GPBP1: variants seen among roughly 807,000 people sequenced by gnomAD.
GPBP1 encodes the protein GC-rich promoter binding protein 1, also known as vasculin.
Under a neutral mutation model 56.5 loss-of-function variants are expected in GPBP1, and 13 were observed. The observed-to-expected ratio is 0.23, with a 90% CI of 0.15 to 0.37. The LOEUF (loss-of-function observed/expected upper bound fraction) is 0.37, where lower values mean the gene tolerates loss of function less well. Ranked by LOEUF, GPBP1 falls within the 10% of genes least tolerant of loss-of-function variation. GPBP1 has a pLI of 1.00. For synonymous variants in GPBP1, 204 were observed against 188.9 expected (o/e 1.08, Z -0.66); for missense variants, 477 against 572.3 (o/e 0.83, Z 1.70).
chr5:57,219,399 A>C lies in GPBP1; in HGVS notation c.63+5206A>C, dbSNP rs1270614139. Among the ~76,000 whole-genome samples, 345 of 59,540 alleles carry C rather than the reference A, an allele frequency of 5.8e-3. 41 individuals are homozygous for C. Among genetic ancestry groups the C allele is most frequent in the African/African-American group, 0.044 (317 of 7,160 alleles). 39.1% of individuals were successfully genotyped at this position (59,540 alleles called of 152,430 possible). A position where few individuals can be genotyped will look rare whatever the true frequency, so the allele number is the denominator to read the frequency against. ...TCAAAAAAAAAAAAAAAAAAAAAAA[A>C]AAAACCAAAAACAAACAAACAAAAA... On this transcript the variant is annotated intron_variant, in intron 3 of 11. Transcript: ENST00000506184.
intron 2 of GPBP1, among the ~76,000 whole-genome samples, chr5:57,178,756 T>G (rs1372970640): frequency 6.6e-6 from 1 of 152,224 alleles, no homozygotes; most frequent in Non-Finnish European, 1.5e-5. Flanking sequence ...TTCTGGAGAT[T>G]GGAATAAATA....
chr5:57,256,893 G>A (rs1741689360), intron 10 of GPBP1, among the ~76,000 whole-genome samples: 1 of 151,896 alleles, frequency 6.6e-6, no homozygotes, highest in African/African-American at 2.4e-5. Flanking sequence ...TAGATTTTAG[G>A]GGTTTTTTTC....
At chr5:57,223,456 GT>G (rs1319165097) in intron 3 of GPBP1, among the ~76,000 whole-genome samples, 3 of 152,122 alleles carry the variant, frequency 2.0e-5, no homozygotes, top group African/African-American at 7.2e-5. Context: ...GGTGCTATCA[GT>G]GGTACCTTAT....
chr5:57,222,597 GGCT>G (rs1330548236), intron 3 of GPBP1, among the ~76,000 whole-genome samples: 1 of 151,804 alleles, frequency 6.6e-6, no homozygotes, highest in African/African-American at 2.4e-5. Context: ...TCTTTTTAGT[GGCT>G]GTGTAAACTT....
At chr5:57,258,546 G>T (rs1379490899) in intron 10 of GPBP1, among the ~76,000 whole-genome samples, 1 of 152,204 alleles carries the variant, frequency 6.6e-6, no homozygotes, top group Non-Finnish European at 1.5e-5. Context: ...AGTCTCATGG[G>T]ATTATGCATC....
chr5:57,246,609 G>A (rs1741102377), intron 7 of GPBP1, 125 bp downstream of exon 7: 1 of 670,444 alleles, frequency 1.5e-6, no homozygotes, highest in Non-Finnish European at 2.4e-6. Flanking sequence ...GTTCTAGGTG[G>A]CAAGAGTTGA....
Position 57,230,832 on chromosome 5 carries a change from A to G in GPBP1, c.64-14A>G. 6.3e-7 allele frequency: 1 copy of G among 1,592,506 alleles called. No individual in the cohort carries two copies. The highest frequency in any genetic ancestry group is 1.8e-5 in the Admixed American group (1 of 55,882). The stretch of plus-strand genomic sequence containing the variant: ...AGGTTTCATAAATACCTGTATTTTT[A>G]TAATTTGTTTCAGTCGTCATTGAAT... On this transcript the variant is annotated splice_polypyrimidine_tract_variant and intron_variant, in intron 3 of 11. Transcript: ENST00000506184.
intron 2 of GPBP1, among the ~76,000 whole-genome samples, chr5:57,186,403 A>AAT (rs1754287415): frequency 6.8e-6 from 1 of 147,312 alleles, no homozygotes; most frequent in Non-Finnish European, 1.5e-5. Flanking sequence ...AAAAAAAAAA[A>AAT]TTTTTTTTTC....
chr5:57,199,469 G>T (rs1488033876), intron 2 of GPBP1, among the ~76,000 whole-genome samples: 3 of 152,008 alleles, frequency 2.0e-5, no homozygotes, highest in Non-Finnish European at 2.9e-5. Flanking sequence ...GGATGAAGGA[G>T]ATAAGAATTG....
chr5:57,188,680 T>G (rs1390748064), intron 2 of GPBP1, among the ~76,000 whole-genome samples: 1 of 151,930 alleles, frequency 6.6e-6, no homozygotes, highest in Admixed American at 6.6e-5. Context: ...CAGGCAGAGG[T>G]TGTAGTGAGC....
At chr5:57,239,808 C>G (rs372434809) in intron 6 of GPBP1, among the ~76,000 whole-genome samples, 5 of 152,066 alleles carry the variant, frequency 3.3e-5, no homozygotes, top group African/African-American at 9.7e-5. Flanking sequence ...CAACAACATT[C>G]AAACAGCACC....
intron 2 of GPBP1, among the ~76,000 whole-genome samples, chr5:57,212,294 T>C (rs1366241834): frequency 6.6e-6 from 1 of 152,196 alleles, no homozygotes; most frequent in African/African-American, 2.4e-5. Context: ...TACTAAATAC[T>C]AAAATACTAA....
chr5:57,232,232 C>G (rs900336837), intron 5 of GPBP1, among the ~76,000 whole-genome samples: 1 of 152,136 alleles, frequency 6.6e-6, no homozygotes, highest in African/African-American at 2.4e-5. Context: ...AAGCAATCCT[C>G]CGACCTCGGC....
chr5:57,226,933 G>T (rs1358986681), intron 3 of GPBP1, among the ~76,000 whole-genome samples: 1 of 151,882 alleles, frequency 6.6e-6, no homozygotes, highest in South Asian at 2.1e-4. Flanking sequence ...TAGAGACGGG[G>T]TTTCACCATG....
chr5:57,196,684 C>G (rs1427911348), intron 2 of GPBP1, among the ~76,000 whole-genome samples: 3 of 151,822 alleles, frequency 2.0e-5, no homozygotes, highest in Non-Finnish European at 4.4e-5. Context: ...CCTCGACTTG[C>G]TGGGCTCAAG....
intron 11 of GPBP1, 60 bp from the exon 12 acceptor site, chr5:57,262,534 A>G: frequency 8.0e-7 from 1 of 1,245,406 alleles, no homozygotes; most frequent in South Asian, 1.3e-5. Flanking sequence ...TGCTTATATT[A>G]TTACAGTAGG....
chr5:57,232,467 T>C (rs1756500658), intron 5 of GPBP1, among the ~76,000 whole-genome samples: 1 of 152,252 alleles, frequency 6.6e-6, no homozygotes, highest in Non-Finnish European at 1.5e-5. Context: ...CTTGGCATGC[T>C]TATACCAATC....
intron 11 of GPBP1, among the ~76,000 whole-genome samples, chr5:57,261,919 G>A (rs1303596893): frequency 6.6e-6 from 1 of 152,090 alleles, no homozygotes; most frequent in Non-Finnish European, 1.5e-5. Flanking sequence ...GTCTCACTCT[G>A]TCATCTAGGC....
At chr5:57,256,609 G>T (rs1307963260) in intron 10 of GPBP1, among the ~76,000 whole-genome samples, 1 of 151,924 alleles carries the variant, frequency 6.6e-6, no homozygotes, top group Non-Finnish European at 1.5e-5. Flanking sequence ...AGAACATTTT[G>T]TTATTTGCCA....
Sources: allele counts gnomAD v4.1 joint callset (sites outside exome capture counted in the v4.1 genomes callset), GRCh38; gene constraint gnomAD v4.1.1; transcripts MANE v1.5; gene names NCBI Gene and HGNC (gene_info 2026-07-23, HGNC 2026-07-21).